The following SEMA6C variants were observed in gnomAD, a reference collection of about 807,000 sequenced individuals.
SEMA6C encodes the protein semaphorin 6C.
In SEMA6C, 37 loss-of-function variants were observed where a neutral mutation model predicts 72.9. That is an observed-to-expected ratio of 0.51 (90% confidence interval 0.39 to 0.67). SEMA6C has a LOEUF of 0.67. Ranked by LOEUF, SEMA6C falls within the 30% of genes least tolerant of loss-of-function variation. The pLI is 0.00. For synonymous variants in SEMA6C, 578 were observed against 554.1 expected (o/e 1.04, Z -0.61); for missense variants, 1,189 against 1,263.6 (o/e 0.94, Z 0.89).
chr1:151,140,506 G>C (rs923591661), intron 3 of SEMA6C, among the ~76,000 whole-genome samples: 2 of 152,146 alleles, frequency 1.3e-5, no homozygotes, highest in African/African-American at 4.8e-5. Flanking sequence ...TCCCACTGGA[G>C]CATTTATTCA....
In SEMA6C at chr1:151,132,373, G is replaced by A; in HGVS notation, c.*111C>T. 1 of 1,531,766 alleles carries A rather than the reference G, an allele frequency of 6.5e-7. No homozygotes were observed. The highest frequency in any genetic ancestry group is 8.8e-7 in the Non-Finnish European group (1 of 1,137,440). The allele number at this position is 1,531,766 out of a possible 1,614,324, so 94.9% of individuals were successfully genotyped here. A position where few individuals can be genotyped will look rare whatever the true frequency, so the allele number is the denominator to read the frequency against. Reference sequence around the variant, plus strand: ...GGGCCTCGGGAGACTCTGCGAGTCGGGAAGGCTGGAGGTGCGGGGCGAGGG... The same window carrying A: ...GGGCCTCGGGAGACTCTGCGAGTCGAGAAGGCTGGAGGTGCGGGGCGAGGG... On this transcript the variant is annotated 3_prime_UTR_variant, in exon 19 of 19. Transcript: ENST00000368914.
At chr1:151,141,266 C>G (rs1423493122) in intron 3 of SEMA6C, among the ~76,000 whole-genome samples, 1 of 152,154 alleles carries the variant, frequency 6.6e-6, no homozygotes, top group African/African-American at 2.4e-5. Context: ...TTGGGAACCA[C>G]TGAACTAGTA....
At chr1:151,142,765 A>ACAGGGTCTTCTGGG in intron 2 of SEMA6C, 90 bp from the exon 3 acceptor site, 1 of 633,830 alleles carries the variant, frequency 1.6e-6, no homozygotes, top group Non-Finnish European at 2.7e-6. Context: ...GTGTATCCCC[A>ACAGGGTCTTCTGGG]GAAGACCCTG....
chr1:151,133,195 C>T lies in SEMA6C; in HGVS notation c.2082G>A (p.Glu694=). ...LPPPEGVPPP[E]LACLPTPEST... is the part of the protein sequence containing the mutation. ...ACTCGGGGGTGGGCAGGCAGGCCAG[C>T]TCCGGCGGGGGCACGCCCTCCGGAG... The change falls in exon 19 of 19, where the codon GAG becomes GAA. Residue 694 remains glutamate (E), a synonymous_variant. Coordinates refer to ENST00000368914, the MANE Select transcript of SEMA6C (RefSeq NM_030913.6). This position sits in a 1 kb window ranked among gnomAD's most constrained non-coding sequence, Gnocchi z 5.9. 3.8e-6 allele frequency: 6 copies of T among 1,568,378 alleles called. No individual in the cohort carries two copies. Among genetic ancestry groups the T allele is most frequent in the Non-Finnish European group, 5.1e-6 (6 of 1,166,044 alleles).
chr1:151,136,696 G>T, intron 11 of SEMA6C, 117 bp from the exon 12 acceptor site: 1 of 1,421,742 alleles, frequency 7.0e-7, no homozygotes, highest in Non-Finnish European at 9.7e-7. Flanking sequence ...AGGAGGTGGG[G>T]CAGCCACTGG....
At chr1:151,134,288 C>A (rs1235358013) in intron 18 of SEMA6C, 113 bp downstream of exon 18, 2 of 1,091,370 alleles carry the variant, frequency 1.8e-6, no homozygotes, top group East Asian at 5.2e-5. Flanking sequence ...GGATGCCGAC[C>A]CTTTTCCGAT....
In SEMA6C at chr1:151,133,522, C is replaced by G. The variant is rs1415036648; in HGVS notation, c.1760-5G>C. Reference sequence around the variant, plus strand: ...GGGGCAGGTCCCGGCGCACGCCTGCCGACCGAGAGGGAGGAGGGAGGCTCA... The same window carrying G: ...GGGGCAGGTCCCGGCGCACGCCTGCGGACCGAGAGGGAGGAGGGAGGCTCA... On this transcript the variant is annotated splice_region_variant and splice_polypyrimidine_tract_variant and intron_variant, in intron 18 of 18. Coordinates refer to ENST00000368914, the MANE Select transcript of SEMA6C (RefSeq NM_030913.6). The surrounding 1 kb of genome is among the most constrained non-coding windows in gnomAD (Gnocchi z 5.9). 9 of 1,501,772 alleles carry G rather than the reference C, an allele frequency of 6.0e-6. No individual in the cohort carries two copies. Among genetic ancestry groups the G allele is most frequent in the Non-Finnish European group, 8.0e-6 (9 of 1,128,162 alleles). 93.0% of individuals were successfully genotyped at this position (1,501,772 alleles called of 1,614,324 possible). A position where few individuals can be genotyped will look rare whatever the true frequency, so the allele number is the denominator to read the frequency against.
chr1:151,139,731 C>A, intron 4 of SEMA6C, 30 bp from the exon 5 acceptor site: 1 of 1,567,250 alleles, frequency 6.4e-7, no homozygotes. Context: ...GGGGTCAGAG[C>A]CTAGTCAAGG....
Position 151,133,384 on chromosome 1 carries a change from G to A in SEMA6C, c.1893C>T (p.Arg631=). ...SGLLVSCACR[R]AHRRRGKDIE... ...TGTCCTTGCCCCGACGTCGGTGGGC[G>A]CGGCGACAAGCACAGGAGACCAGGA... Residue 631 remains arginine (R), a synonymous_variant, in exon 19 of 19, where the codon CGC becomes CGT. Coordinates refer to ENST00000368914, the MANE Select transcript of SEMA6C (RefSeq NM_030913.6). The surrounding 1 kb of genome is among the most constrained non-coding windows in gnomAD (Gnocchi z 5.9). 1 of 1,599,330 alleles carries A rather than the reference G, an allele frequency of 6.3e-7. No homozygotes were observed. Among genetic ancestry groups the A allele is most frequent in the Non-Finnish European group, 8.5e-7 (1 of 1,175,478 alleles).
chr1:151,138,024 G>T lies in SEMA6C; in HGVS notation c.629C>A (p.Pro210Gln), dbSNP rs141935930. The T allele has an allele frequency of 7.4e-6, 12 of 1,614,164 alleles. No individual in the cohort carries two copies. The highest frequency in any genetic ancestry group is 9.3e-6 in the Non-Finnish European group (11 of 1,180,012). Residue 210 changes from proline to glutamine, a missense_variant, in exon 9 of 19, where the codon CCA (proline) becomes CAA (glutamine). Pro to Gln is a moderately conservative substitution (Grantham distance 76, BLOSUM62 -1). Transcript: ENST00000368914. ...GGAGTCATACTTGGCGGAGCGGAGT[G>T]GGGGCTGGGGCCCAAGGCTTCTGTA... Reference protein sequence around the residue: ...VVYRSLGPQPPLRSAKYDSKW... With the variant: ...VVYRSLGPQPQLRSAKYDSKW...
chr1:151,137,655 C>G (rs1049071987), intron 10 of SEMA6C, 56 bp downstream of exon 10: 2 of 1,414,616 alleles, frequency 1.4e-6, no homozygotes, highest in Admixed American at 3.6e-5. Context: ...CTCAGACTGG[C>G]TCCTCAGGAT....
intron 3 of SEMA6C, 28 bp from the exon 4 acceptor site, chr1:151,140,118 G>A (rs1383863875): frequency 1.3e-6 from 2 of 1,587,646 alleles, no homozygotes; most frequent in East Asian, 2.3e-5. Flanking sequence ...ATAGGATTCT[G>A]AGGATACCAC....
At chr1:151,139,887 C>A in intron 4 of SEMA6C, 89 bp downstream of exon 4, 1 of 1,320,576 alleles carries the variant, frequency 7.6e-7, no homozygotes, top group Non-Finnish European at 1.1e-6. Flanking sequence ...TGCATGTGTC[C>A]CCTGCAAGAT....
intron 14 of SEMA6C, 135 bp from the exon 15 acceptor site, chr1:151,135,444 G>T: frequency 6.9e-7 from 1 of 1,440,758 alleles, no homozygotes; most frequent in Non-Finnish European, 9.4e-7. Context: ...CTACCACACT[G>T]TCCAGTCTTC....
chr1:151,135,408 A>C, intron 14 of SEMA6C, 99 bp from the exon 15 acceptor site: 1 of 1,512,968 alleles, frequency 6.6e-7, no homozygotes, highest in Non-Finnish European at 8.9e-7. Flanking sequence ...CAAGCAACTG[A>C]GCACAACCCA....
rs917314457 is a variant in SEMA6C, at chr1:151,132,356, G to A, written c.*128C>T. 2 of 1,538,626 alleles carry A rather than the reference G, an allele frequency of 1.3e-6. No homozygotes were observed. Among genetic ancestry groups the A allele is most frequent in the Non-Finnish European group, 1.8e-6 (2 of 1,141,472 alleles). On this transcript the variant is annotated 3_prime_UTR_variant, in exon 19 of 19. Coordinates refer to ENST00000368914, the MANE Select transcript of SEMA6C (RefSeq NM_030913.6). ...AAACCCGAGGCGAAAAGGGGCCTCG[G>A]GAGACTCTGCGAGTCGGGAAGGCTG...
chr1:151,143,267 C>T (rs776980783), intron 2 of SEMA6C, among the ~76,000 whole-genome samples: 3 of 152,152 alleles, frequency 2.0e-5, no homozygotes, highest in Non-Finnish European at 4.4e-5. Context: ...CTTCAGGGGC[C>T]CTTCCCACCG....
In SEMA6C at chr1:151,135,648, C is replaced by G; in HGVS notation, c.1376G>C (p.Arg459Pro). The change falls in exon 14 of 19, where the codon CGA becomes CCA. Residue 459 changes from arginine to proline, a missense_variant. Arg to Pro is a moderately radical substitution (Grantham distance 103). Coordinates refer to ENST00000368914, the MANE Select transcript of SEMA6C (RefSeq NM_030913.6). Reference protein sequence around the residue: ...TVLKVLTPGGRSGGPEPILLE... With the variant: ...TVLKVLTPGGPSGGPEPILLE... ...GAGGATGGGCTCAGGTCCCCCGGAT[C>G]GCCCACCTGGGGTCAGCACCTTCAG... 1.2e-6 allele frequency: 2 copies of G among 1,614,180 alleles called. No homozygotes were observed. The highest frequency in any genetic ancestry group is 1.7e-6 in the Non-Finnish European group (2 of 1,180,016).
chr1:151,134,006 A>G, intron 18 of SEMA6C: 1 of 1,465,384 alleles, frequency 6.8e-7, no homozygotes. Flanking sequence ...GGGGGTGGGC[A>G]TCACTGGGAG....
Sources: allele counts gnomAD v4.1 joint callset (sites outside exome capture counted in the v4.1 genomes callset), GRCh38; gene constraint gnomAD v4.1.1; non-coding constraint Gnocchi (gnomAD v3.1); transcripts MANE v1.5; gene names NCBI Gene and HGNC (gene_info 2026-07-23, HGNC 2026-07-21).